Variants in NDUFAF2 observed in about 807,000 individuals in gnomAD.
NDUFAF2 encodes the protein NADH:ubiquinone oxidoreductase complex assembly factor 2, also known as NADH dehydrogenase [ubiquinone] 1 alpha subcomplex assembly factor 2.
In NDUFAF2, 13 loss-of-function variants were observed where a neutral mutation model predicts 22.8. The ratio of observed to expected loss-of-function variants is 0.57; its 90% CI spans 0.37 to 0.91. NDUFAF2 has a LOEUF of 0.91. Among genes scored for constraint, NDUFAF2 ranks in the 40% least tolerant of loss-of-function variants. The pLI is 0.01. For missense variants in NDUFAF2, 162 were observed against 195.2 expected, an observed-to-expected ratio of 0.83 and a Z score of 1.01; for synonymous variants, 53 against 64.2, an observed-to-expected ratio of 0.83 and a Z score of 0.84.
intron 3 of NDUFAF2, among the ~76,000 whole-genome samples, chr5:61,133,553 T>C (rs1753138940): frequency 6.6e-6 from 1 of 152,162 alleles, no homozygotes; most frequent in African/African-American, 2.4e-5. Context: ...TTTTCAGCGT[T>C]ACAAAGGGAA....
intron 1 of NDUFAF2, among the ~76,000 whole-genome samples, chr5:60,962,682 A>C (rs1000174723): frequency 4.3e-4 from 65 of 151,698 alleles, no homozygotes; most frequent in Non-Finnish European, 4.1e-4. Context: ...AAATACAAAA[A>C]ATTAGCCAGG....
At chr5:61,058,209 T>A (rs1752123066) in intron 1 of NDUFAF2, among the ~76,000 whole-genome samples, 2 of 152,048 alleles carry the variant, frequency 1.3e-5, no homozygotes, top group Admixed American at 6.6e-5. Context: ...GGCCCAAGCT[T>A]TTCACATACT....
intron 3 of NDUFAF2, among the ~76,000 whole-genome samples, chr5:61,136,812 G>A (rs1740968945): frequency 6.6e-6 from 1 of 152,186 alleles, no homozygotes. Flanking sequence ...TTCCATTGAA[G>A]AGCAAGGAAG....
chr5:60,971,083 C>T (rs1016609351), intron 1 of NDUFAF2, among the ~76,000 whole-genome samples: 1 of 150,788 alleles, frequency 6.6e-6, no homozygotes, highest in East Asian at 1.9e-4. Flanking sequence ...AATTTTGGGT[C>T]ATGCTTAATG....
At chr5:61,122,389 A>G (rs145171145) in intron 3 of NDUFAF2, among the ~76,000 whole-genome samples, 6 of 152,336 alleles carry the variant, frequency 3.9e-5, no homozygotes, top group African/African-American at 1.2e-4. Flanking sequence ...TGCATAACAA[A>G]ATATGATAGG....
intron 1 of NDUFAF2, among the ~76,000 whole-genome samples, chr5:61,033,966 T>A (rs145756947): frequency 6.6e-6 from 1 of 152,172 alleles, no homozygotes; most frequent in Non-Finnish European, 1.5e-5. Flanking sequence ...CTGTGACTTA[T>A]GGCCTAATTC....
At chr5:61,049,886 T>TACACACACACACAC (rs70977822) in intron 1 of NDUFAF2, among the ~76,000 whole-genome samples, 147 of 144,424 alleles carry the variant, frequency 1.0e-3, no homozygotes, top group African/African-American at 2.8e-3. Flanking sequence ...ATTTAAATTA[T>TACACACACACACAC]ACACACACAC....
At chr5:60,968,914 T>G (rs1052817614) in intron 1 of NDUFAF2, among the ~76,000 whole-genome samples, 7 of 151,970 alleles carry the variant, frequency 4.6e-5, no homozygotes, top group Non-Finnish European at 8.8e-5. Flanking sequence ...TCTTCATGAA[T>G]TCAGTTGTTT....
intron 1 of NDUFAF2, among the ~76,000 whole-genome samples, chr5:60,982,329 C>A (rs1419588327): frequency 1.3e-5 from 2 of 152,194 alleles, no homozygotes; most frequent in East Asian, 3.9e-4. Flanking sequence ...CAAGTCATAT[C>A]TTACATGGAT....
chr5:61,149,734 A>T (rs892427923), intron 3 of NDUFAF2, among the ~76,000 whole-genome samples: 8 of 152,220 alleles, frequency 5.3e-5, no homozygotes, highest in Non-Finnish European at 1.2e-4. Flanking sequence ...ACATACTGTT[A>T]TTTGATAAAC....
chr5:60,960,870 CT>C (rs1750674702), intron 1 of NDUFAF2, among the ~76,000 whole-genome samples: 1 of 152,024 alleles, frequency 6.6e-6, no homozygotes, highest in Non-Finnish European at 1.5e-5. Flanking sequence ...TGTGTTTACA[CT>C]TTTTTTCCCC....
At chr5:61,116,502 T>C (rs902351531) in intron 3 of NDUFAF2, 16 of 152,248 alleles carry the variant, frequency 1.1e-4, no homozygotes, top group African/African-American at 3.6e-4. Context: ...CTATTCAATT[T>C]CCTGTAACAT....
At chr5:60,976,461 C>T (rs181273848) in intron 1 of NDUFAF2, among the ~76,000 whole-genome samples, 1 of 152,008 alleles carries the variant, frequency 6.6e-6, no homozygotes, top group Non-Finnish European at 1.5e-5. Flanking sequence ...TTATGTTGAT[C>T]CTTAACATAT....
intron 1 of NDUFAF2, among the ~76,000 whole-genome samples, chr5:61,003,407 A>T (rs1037562611): frequency 5.9e-5 from 9 of 152,082 alleles, no homozygotes; most frequent in African/African-American, 2.2e-4. Flanking sequence ...AAATTTAAAT[A>T]AGGAGAACTC....
chr5:60,972,688 G>A (rs1301552504), intron 1 of NDUFAF2, among the ~76,000 whole-genome samples: 1 of 150,076 alleles, frequency 6.7e-6, no homozygotes, highest in African/African-American at 2.4e-5. Flanking sequence ...TTATATTAGA[G>A]TCTTGATTTG....
chr5:61,110,404 A>G (rs1262314948), intron 3 of NDUFAF2, among the ~76,000 whole-genome samples: 1 of 152,064 alleles, frequency 6.6e-6, no homozygotes, highest in Non-Finnish European at 1.5e-5. Context: ...GAAGATTAAT[A>G]TGAATTCTTC....
intron 1 of NDUFAF2, among the ~76,000 whole-genome samples, chr5:60,964,263 A>G (rs1431408791): frequency 6.6e-6 from 1 of 152,100 alleles, no homozygotes; most frequent in Non-Finnish European, 1.5e-5. Flanking sequence ...CATCTTTCCA[A>G]TTTTTAAGAT....
chr5:60,996,190 G>T (rs905747110), intron 1 of NDUFAF2, among the ~76,000 whole-genome samples: 35 of 152,144 alleles, frequency 2.3e-4, no homozygotes, highest in African/African-American at 8.2e-4. Context: ...CTGACCCAAG[G>T]TCCTCGATGT....
intron 3 of NDUFAF2, among the ~76,000 whole-genome samples, chr5:61,117,330 A>G (rs549794588): frequency 2.6e-4 from 40 of 152,272 alleles, no homozygotes; most frequent in Middle Eastern, 3.4e-3. Flanking sequence ...CAAGCCTTTT[A>G]GAATGAAATG....
Sources: allele counts gnomAD v4.1 joint callset (sites outside exome capture counted in the v4.1 genomes callset), GRCh38; gene constraint gnomAD v4.1.1; transcripts MANE v1.5; gene names NCBI Gene and HGNC (gene_info 2026-07-23, HGNC 2026-07-21).